The following DSP variants were observed in gnomAD, a reference collection of about 807,000 sequenced individuals.
The protein encoded by DSP is desmoplakin, also known as 250/210 kDa paraneoplastic pemphigus antigen.
In DSP, 114 loss-of-function variants were observed where a neutral mutation model predicts 290.6. The observed-to-expected ratio is 0.39, with a 90% confidence interval of 0.34 to 0.46. The LOEUF is 0.46. DSP is among the 20% of genes least tolerant of loss of function. DSP has a pLI of 0.99. For synonymous variants in DSP, 1,311 were observed against 1,316.4 expected, an observed-to-expected ratio of 1.00 and a Z score of 0.09; for missense variants, 3,230 against 3,495.8, an observed-to-expected ratio of 0.92 and a Z score of 1.92.
chr6:7,577,930 T>G, intron 21 of DSP, 44 bp downstream of exon 21: 1 of 1,486,974 alleles, frequency 6.7e-7, no homozygotes, highest in Non-Finnish European at 9.4e-7. Context: ...CCCCTCCTTC[T>G]GCTTCTTCCC....
At chr6:7,574,448 T>G (rs1759166836) in intron 16 of DSP, among the ~76,000 whole-genome samples, 196 bp downstream of exon 16, 1 of 152,186 alleles carries the variant, frequency 6.6e-6, no homozygotes, top group Non-Finnish European at 1.5e-5. Context: ...AATGTTATCT[T>G]AGAACTAAGT....
chr6:7,578,746 A>AAGT (rs1759326025), intron 22 of DSP, among the ~76,000 whole-genome samples, 184 bp downstream of exon 22: 2 of 152,246 alleles, frequency 1.3e-5, no homozygotes, highest in Non-Finnish European at 1.5e-5. Context: ...ACGCTGCTTT[A>AAGT]AATGAACTTA....
Position 7,580,994 on chromosome 6 carries a change from A to C in DSP, c.4804A>C (p.Arg1602=). The part of the protein sequence containing the change: ...KKLEEELEGM[R]RSLKEQAIKI... ...GCTGGAGGAAGAGCTGGAAGGCATG[A>C]GGAGGTCGCTGAAGGAGCAAGCCAT... Residue 1602 remains arginine, a synonymous_variant, in exon 23 of 24, where the codon AGG becomes CGG. Transcript: ENST00000379802. This position sits in a 1 kb window ranked among gnomAD's most constrained non-coding sequence, Gnocchi z 4.2. 6.2e-7 allele frequency: 1 copy of C among 1,614,090 alleles called. No homozygotes were observed. Among genetic ancestry groups the C allele is most frequent in the Non-Finnish European group, 8.5e-7 (1 of 1,180,018 alleles).
intron 22 of DSP, 86 bp downstream of exon 22, chr6:7,578,648 G>A: frequency 9.2e-7 from 1 of 1,083,126 alleles, no homozygotes; most frequent in Non-Finnish European, 1.4e-6. Flanking sequence ...ACATGGATTT[G>A]GACACATCCT....
At chr6:7,543,909 T>C (rs922649152) in intron 1 of DSP, among the ~76,000 whole-genome samples, 1 of 152,220 alleles carries the variant, frequency 6.6e-6, no homozygotes, top group Middle Eastern at 3.2e-3. Flanking sequence ...GGATTCCCCA[T>C]TGAAACATTT....
rs786204296 is a variant in DSP at position 7,569,183 on chromosome 6, C to T, written c.1420-3C>T. The T allele has an allele frequency of 1.2e-6, 2 of 1,614,154 alleles. No homozygotes were observed. Among genetic ancestry groups the T allele is most frequent in the South Asian group, 2.2e-5 (2 of 91,078 alleles). On this transcript the variant is annotated splice_region_variant and splice_polypyrimidine_tract_variant and intron_variant, in intron 11 of 23. Transcript: ENST00000379802. ...CCAAACCCTGGGGTTGCTTGCCTTA[C>T]AGAAAATCGTGCATAAGGGGGATGA... is the stretch of plus-strand genomic sequence containing the variant.
intron 3 of DSP, among the ~76,000 whole-genome samples, chr6:7,558,958 G>T (rs866059996): frequency 8.5e-5 from 13 of 152,226 alleles, no homozygotes; most frequent in Middle Eastern, 3.4e-3. Flanking sequence ...AGGACAAAAC[G>T]CAAGAGAAAA....
At chr6:7,559,086 A>AG in intron 3 of DSP, 140 bp from the exon 4 acceptor site, 2 of 960,794 alleles carry the variant, frequency 2.1e-6, no homozygotes, top group East Asian at 5.2e-5. Flanking sequence ...CCTGGGGTAA[A>AG]GAAAAAAAAA....
chr6:7,544,413 G>T, intron 1 of DSP, among the ~76,000 whole-genome samples: 1 of 152,096 alleles, frequency 6.6e-6, no homozygotes, highest in African/African-American at 2.4e-5. Flanking sequence ...AGTGAATGAT[G>T]ATTAAGAATT....
chr6:7,568,407 G>A lies in DSP; in HGVS notation c.1267-30G>A, dbSNP rs111517634. The A allele has an allele frequency of 1.6e-3, 2,527 of 1,613,070 alleles. 36 individuals are homozygous for A. The African/African-American group carries it at 0.022, about 14-fold the overall frequency. On this transcript the variant is annotated intron_variant, in intron 10 of 23. Coordinates refer to ENST00000379802, the MANE Select transcript of DSP (RefSeq NM_004415.4). Reference sequence around the variant, plus strand: ...CCTCTAAAACTCACAGGGTATCTATGTTTAAGTATGATTTTATTCACCATT... The same window carrying A: ...CCTCTAAAACTCACAGGGTATCTATATTTAAGTATGATTTTATTCACCATT...
At position 7,565,481 on chromosome 6, in the gene DSP, C is replaced by A. The variant is rs374335702; in HGVS notation, c.900C>A (p.Asp300Glu). 1.2e-6 allele frequency: 2 copies of A among 1,614,070 alleles called. No individual in the cohort carries two copies. Among genetic ancestry groups the A allele is most frequent in the Admixed American group, 3.3e-5 (2 of 60,014 alleles). Residue 300 changes from aspartate to glutamate, a missense_variant, in exon 7 of 24, where the codon GAC becomes GAA. Physicochemically the swap from Asp to Glu is conservative, Grantham distance 45 (BLOSUM62 2). Around this residue, in one of 5 missense-constraint regions of DSP, gnomAD observed 646 missense variants for 684.3 expected, o/e 0.94. Coordinates refer to ENST00000379802, the MANE Select transcript of DSP (RefSeq NM_004415.4). This position sits in a 1 kb window ranked among gnomAD's most constrained non-coding sequence, Gnocchi z 4.2. ...EEEELLYDWS[D>E]KNTNIAQKQE... ...AGGAGCTGCTGTACGACTGGAGCGA[C>A]AAGAACACCAACATCGCTCAGAAAC...
In DSP at chr6:7,580,053, A is replaced by G. The variant is rs746482538; in HGVS notation, c.3863A>G (p.Lys1288Arg). 27 of 1,614,018 alleles carry G rather than the reference A, an allele frequency of 1.7e-5. No homozygotes were observed. The highest frequency in any genetic ancestry group is 2.3e-5 in the Non-Finnish European group (27 of 1,180,032). The change falls in exon 23 of 24, where the codon AAG (lysine) becomes AGG (arginine). Residue 1288 changes from lysine (K) to arginine (R), a missense_variant. Transcript: ENST00000379802. The surrounding 1 kb of genome is among the most constrained non-coding windows in gnomAD (Gnocchi z 4.2). ...KACGSEIMQKKQHLEIELKQV... is the reference protein window; with the variant it reads ...KACGSEIMQKRQHLEIELKQV... The stretch of plus-strand genomic sequence containing the variant: ...TGTGGCTCTGAGATAATGCAGAAGA[A>G]GCAGCATCTGGAGATAGAACTGAAG...
At position 7,584,710 on chromosome 6, in the gene DSP, A is replaced by C; in HGVS notation, c.7448A>C (p.Tyr2483Ser). 1 of 1,614,224 alleles carries C rather than the reference A, an allele frequency of 6.2e-7. No homozygotes were observed. The highest frequency in any genetic ancestry group is 1.1e-5 in the South Asian group (1 of 91,080). Residue 2483 changes from tyrosine to serine, a missense_variant, in exon 24 of 24, where the codon TAC becomes TCC. Physicochemically the swap from Tyr to Ser is moderately radical, Grantham distance 144. Around this residue, in one of 5 missense-constraint regions of DSP, gnomAD observed 582 missense variants for 555.4 expected, o/e 1.05. Transcript: ENST00000379802. This position sits in a 1 kb window ranked among gnomAD's most constrained non-coding sequence, Gnocchi z 6.4. ...AAAGAAATGTCTGTTCAGGAGGCCT[A>C]CAAGAAGGGCCTAATTGATTATGAA... ...TNKEMSVQEA[Y>S]KKGLIDYETF...
chr6:7,558,040 C>T, intron 2 of DSP, 76 bp from the exon 3 acceptor site: 2 of 1,534,832 alleles, frequency 1.3e-6, no homozygotes, highest in Non-Finnish European at 1.8e-6. Context: ...AGTGGAAGCT[C>T]TTGCTTCCAT....
At chr6:7,578,958 G>A (rs1214053042) in intron 22 of DSP, among the ~76,000 whole-genome samples, 1 of 152,118 alleles carries the variant, frequency 6.6e-6, no homozygotes, top group Non-Finnish European at 1.5e-5. Context: ...TTATTTTAAT[G>A]TAAACTTGAA....
intron 3 of DSP, 54 bp downstream of exon 3, chr6:7,558,318 A>G: frequency 6.3e-7 from 1 of 1,580,938 alleles, no homozygotes; most frequent in Non-Finnish European, 8.6e-7. Context: ...AACACCACAT[A>G]ACCAGTTACA....
Position 7,585,291 on chromosome 6 carries a change from C to G in DSP, c.8029C>G (p.Gln2677Glu). The G allele has an allele frequency of 6.2e-7, 1 of 1,614,160 alleles. No homozygotes were observed. Among genetic ancestry groups the G allele is most frequent in the East Asian group, 2.2e-5 (1 of 44,872 alleles). ...GCTGTCACTTCAGGACGCAGTCTCC[C>G]AGGGTGTGATTGACCAAGACATGGC... ...QKLSLQDAVS[Q>E]GVIDQDMATR... is the part of the protein sequence containing the mutation. The change falls in exon 24 of 24, where the codon CAG becomes GAG. Residue 2677 changes from glutamine (Q) to glutamate (E), a missense_variant. Physicochemically the swap from Gln to Glu is conservative, Grantham distance 29. Coordinates refer to ENST00000379802, the MANE Select transcript of DSP (RefSeq NM_004415.4).
rs1758843970 is a variant in DSP at position 7,565,776 on chromosome 6, A to G, written c.939+256A>G. 1 of 479,482 alleles carries G rather than the reference A, an allele frequency of 2.1e-6. No homozygotes were observed. The highest frequency in any genetic ancestry group is 3.8e-6 in the Non-Finnish European group (1 of 261,870). The allele number at this position is 479,482 out of a possible 1,614,324, so 29.7% of individuals were successfully genotyped here. A position where few individuals can be genotyped will look rare whatever the true frequency, so the allele number is the denominator to read the frequency against. On this transcript the variant is annotated intron_variant, in intron 7 of 23. Transcript: ENST00000379802. The surrounding 1 kb of genome is among the most constrained non-coding windows in gnomAD (Gnocchi z 4.2). ...TAGGAGTGGGAACTAAATGATGAGA[A>G]TACATGGATACATCGAGGGCAACAA...
rs1213899820 is a variant in DSP at position 7,565,563 on chromosome 6, G to T, written c.939+43G>T. On this transcript the variant is annotated intron_variant, in intron 7 of 23. Coordinates refer to ENST00000379802, the MANE Select transcript of DSP (RefSeq NM_004415.4). This position sits in a 1 kb window ranked among gnomAD's most constrained non-coding sequence, Gnocchi z 4.2. ...GGCTGTAGATGCTTGTCTTGAGCCT[G>T]TTGCCTTGAAGAGCTGGGGTCTCGG... The T allele has an allele frequency of 6.2e-7, 1 of 1,612,406 alleles. No homozygotes were observed. Among genetic ancestry groups the T allele is most frequent in the African/African-American group, 1.3e-5 (1 of 74,988 alleles).
Sources: allele counts gnomAD v4.1 joint callset (sites outside exome capture counted in the v4.1 genomes callset), GRCh38; gene constraint gnomAD v4.1.1; regional missense constraint gnomAD v4.1.1; non-coding constraint Gnocchi (gnomAD v3.1); transcripts MANE v1.5; gene names NCBI Gene and HGNC (gene_info 2026-07-23, HGNC 2026-07-21).